The following MRPL38 variants were observed in gnomAD, a reference collection of about 807,000 sequenced individuals.
The protein encoded by MRPL38 is large ribosomal subunit protein mL38.
MRPL38 carries 51 observed loss-of-function variants against 52.1 expected under a neutral mutation model. That is an observed-to-expected ratio of 0.98 (90% CI 0.78 to 1.24). The LOEUF (loss-of-function observed/expected upper bound fraction) is 1.24. Among genes scored for constraint, MRPL38 ranks in the 50% most tolerant of loss-of-function variants. The pLI is 0.00. For missense variants in MRPL38, 527 were observed against 518.6 expected (o/e 1.02, Z -0.16); for synonymous variants, 245 against 212.7 (o/e 1.15, Z -1.32).
rs748767300 is a variant in MRPL38, at chr17:75,904,705, G to C, written c.82C>G (p.Arg28Gly). 1.3e-6 allele frequency: 2 copies of C among 1,588,992 alleles called. No homozygotes were observed. Among genetic ancestry groups the C allele is most frequent in the African/African-American group, 2.7e-5 (2 of 73,734 alleles). The change falls in exon 2 of 9, where the codon CGG (arginine) becomes GGG (glycine). Residue 28 changes from arginine to glycine, a missense_variant. Physicochemically the swap from Arg to Gly is moderately radical, Grantham distance 125 (BLOSUM62 -2). Transcript: ENST00000309352. ...GGCATCGGCCCCAGCGGGGGTGTCC[G>C]GCGGCCCAGGACGGCTGCGGGCAGA... Reference protein sequence around the residue: ...GFSTSAVLGRRTPPLGPMPNS... With the variant: ...GFSTSAVLGRGTPPLGPMPNS...
chr17:75,902,217 AC>A, intron 2 of MRPL38, 63 bp from the exon 3 acceptor site: 1 of 1,512,744 alleles, frequency 6.6e-7, no homozygotes. Flanking sequence ...AACCTCCCCA[AC>A]TCAGTCTCCT....
rs954333323 is a variant in MRPL38, at chr17:75,901,023, C to A, written c.669G>T (p.Gly223=). The change falls in exon 6 of 9, where the codon GGG becomes GGT. Residue 223 remains glycine (G), a synonymous_variant. Coordinates refer to ENST00000309352, the MANE Select transcript of MRPL38 (RefSeq NM_032478.4). This position sits in a 1 kb window ranked among gnomAD's most constrained non-coding sequence, Gnocchi z 5.7. ...LWTLLLTSLD[G]HLLEPDAEYL... The stretch of plus-strand genomic sequence containing the variant: ...ACTCAGCATCTGGCTCCAGCAGGTG[C>A]CCATCTGCACAAAAACACACCTGCT... 1.9e-6 allele frequency: 3 copies of A among 1,611,964 alleles called. No individual in the cohort carries two copies. Among genetic ancestry groups the A allele is most frequent in the African/African-American group, 2.7e-5 (2 of 74,832 alleles).
chr17:75,898,783 C>A lies in MRPL38; in HGVS notation c.*67G>T. 6.3e-7 allele frequency: 1 copy of A among 1,591,176 alleles called. No homozygotes were observed. Among genetic ancestry groups the A allele is most frequent in the Non-Finnish European group, 8.6e-7 (1 of 1,168,906 alleles). ...GGCCCAGACCCCACAGTGTGGGCCT[C>A]TGGAGCTGTGTCTTTACTCTTGCTG... On this transcript the variant is annotated 3_prime_UTR_variant, in exon 9 of 9. Transcript: ENST00000309352.
At chr17:75,902,507 A>G (rs2065409629) in intron 2 of MRPL38, among the ~76,000 whole-genome samples, 1 of 152,054 alleles carries the variant, frequency 6.6e-6, no homozygotes, top group Admixed American at 6.5e-5. Flanking sequence ...TCAGCCTCCT[A>G]AGTAGCTGGG....
Position 75,901,772 on chromosome 17 carries a change from G to A in MRPL38, c.531C>T (p.Tyr177=), listed in dbSNP as rs761145087. 3.8e-5 allele frequency: 62 copies of A among 1,613,690 alleles called. No homozygotes were observed. Among genetic ancestry groups the A allele is most frequent in the Non-Finnish European group, 5.2e-5 (61 of 1,179,884 alleles). ...GCATCAGGTCATCCTCACCCACAGC[G>A]TAGGCCACGTGCAGGGGGACTCGGG... is the stretch of plus-strand genomic sequence containing the variant. ...FVPRVPLHVA[Y]AVGEDDLMPV... Residue 177 remains tyrosine (Y), a synonymous_variant, in exon 4 of 9, where the codon TAC becomes TAT. Coordinates refer to ENST00000309352, the MANE Select transcript of MRPL38 (RefSeq NM_032478.4). The surrounding 1 kb of genome is among the most constrained non-coding windows in gnomAD (Gnocchi z 5.7).
At chr17:75,904,770 G>GGGGCCCCCCCCC in intron 1 of MRPL38, 39 bp downstream of exon 1, 4 of 500,006 alleles carry the variant, frequency 8.0e-6, no homozygotes, top group African/African-American at 5.2e-5. Context: ...TCGGGCGACA[G>GGGGCCCCCCCCC]CCCCCCCCCC....
At position 75,901,679 on chromosome 17, in the gene MRPL38, G is replaced by A; in HGVS notation, c.591+33C>T. 6.3e-7 allele frequency: 1 copy of A among 1,585,784 alleles called. No individual in the cohort carries two copies. The highest frequency in any genetic ancestry group is 8.7e-7 in the Non-Finnish European group (1 of 1,154,596). ...GATGGGATGTGTCTGTGTTTGCACA[G>A]GGCAGGGAGGAGGGGCACAAGTGAG... On this transcript the variant is annotated intron_variant, in intron 4 of 8. Transcript: ENST00000309352. The surrounding 1 kb of genome is among the most constrained non-coding windows in gnomAD (Gnocchi z 5.7).
intron 2 of MRPL38, 41 bp from the exon 3 acceptor site, chr17:75,902,195 C>T: frequency 6.5e-7 from 1 of 1,544,572 alleles, no homozygotes; most frequent in African/African-American, 1.4e-5. Context: ...GGTCATGACT[C>T]ACTGCAGCCT....
intron 2 of MRPL38, chr17:75,902,359 T>G: frequency 1.7e-6 from 1 of 600,422 alleles, no homozygotes. Context: ...TGCCTCAGCC[T>G]CCCACAGTGT....
In MRPL38 at chr17:75,904,695, G is replaced by C. The variant is rs550202402; in HGVS notation, c.92C>G (p.Pro31Arg). The change falls in exon 2 of 9, where the codon CCG (proline) becomes CGG (arginine). Residue 31 changes from proline (P) to arginine (R), a missense_variant. Pro to Arg is a moderately radical substitution (Grantham distance 103, BLOSUM62 -2). Coordinates refer to ENST00000309352, the MANE Select transcript of MRPL38 (RefSeq NM_032478.4). ...TSAVLGRRTP[P>R]LGPMPNSDID... ...GTCACTGTTGGGCATCGGCCCCAGC[G>C]GGGGTGTCCGGCGGCCCAGGACGGC... 9.6e-4 allele frequency: 1,522 copies of C among 1,593,416 alleles called. 20 individuals carry two copies. In the Admixed American group the frequency reaches 0.022, roughly 23 times the overall value.
chr17:75,903,484 T>C (rs1048312404), intron 2 of MRPL38, among the ~76,000 whole-genome samples: 4 of 152,214 alleles, frequency 2.6e-5, no homozygotes, highest in Admixed American at 2.6e-4. Context: ...AAAATGCCAA[T>C]GAATTGCCTC....
chr17:75,898,731 G>A lies in MRPL38; in HGVS notation c.*119C>T. On this transcript the variant is annotated 3_prime_UTR_variant, in exon 9 of 9. Coordinates refer to ENST00000309352, the MANE Select transcript of MRPL38 (RefSeq NM_032478.4). ...CAAGCCCTGGGCCTGACGGGAGGGG[G>A]CCAAAGAGGGGGGCTGCCTAAGGCA... 3.2e-6 allele frequency: 4 copies of A among 1,264,010 alleles called. No homozygotes were observed. The highest frequency in any genetic ancestry group is 2.2e-5 in the Admixed American group (1 of 46,354). The allele number at this position is 1,264,010 out of a possible 1,614,324, so 78.3% of individuals were successfully genotyped here. A position where few individuals can be genotyped will look rare whatever the true frequency, so the allele number is the denominator to read the frequency against.
At position 75,904,677 on chromosome 17, in the gene MRPL38, T is replaced by C; in HGVS notation, c.110A>G (p.Asn37Ser). The C allele has an allele frequency of 6.3e-7, 1 of 1,597,030 alleles. No individual in the cohort carries two copies. Among genetic ancestry groups the C allele is most frequent in the Non-Finnish European group, 8.5e-7 (1 of 1,178,430 alleles). ...RRTPPLGPMP[N>S]SDIDLSNLER... ...CAGGTTGCTCAAGTCGATGTCACTG[T>C]TGGGCATCGGCCCCAGCGGGGGTGT... The change falls in exon 2 of 9, where the codon AAC becomes AGC. Residue 37 changes from asparagine (N) to serine (S), a missense_variant. Asn to Ser is a conservative substitution (Grantham distance 46). Transcript: ENST00000309352.
At chr17:75,904,467 G>C in intron 2 of MRPL38, 73 bp downstream of exon 2, 1 of 1,436,398 alleles carries the variant, frequency 7.0e-7, no homozygotes, top group Non-Finnish European at 9.2e-7. Flanking sequence ...CTCGCCCAGC[G>C]CCCGGGGAAA....
intron 2 of MRPL38, 79 bp from the exon 3 acceptor site, chr17:75,902,233 A>T: frequency 7.0e-7 from 1 of 1,433,092 alleles, no homozygotes; most frequent in Non-Finnish European, 9.5e-7. Flanking sequence ...TCTCCTGAGT[A>T]GCTGGGGCTA....
At position 75,899,619 on chromosome 17, in the gene MRPL38, G is replaced by A; in HGVS notation, c.766C>T (p.Pro256Ser). The part of the protein sequence containing the change: ...AEGQVTCPYL[P>S]PFPARGSGIH... ...CCGGAGCCTCGGGCAGGGAAGGGGG[G>A]GAGGTAGGGACACGTCACCTGTCCT... The change falls in exon 7 of 9, where the codon CCC (proline) becomes TCC (serine). Residue 256 changes from proline (P) to serine (S), a missense_variant. Coordinates refer to ENST00000309352, the MANE Select transcript of MRPL38 (RefSeq NM_032478.4). 1.2e-6 allele frequency: 2 copies of A among 1,607,204 alleles called. No individual in the cohort carries two copies. Among genetic ancestry groups the A allele is most frequent in the Non-Finnish European group, 1.7e-6 (2 of 1,175,866 alleles).
chr17:75,899,350 C>A (rs955089920), intron 7 of MRPL38, 56 bp from the exon 8 acceptor site: 77 of 1,582,894 alleles, frequency 4.9e-5, no homozygotes, highest in Admixed American at 1.1e-4. Flanking sequence ...GAGCCCCTCA[C>A]CCCGCCACCC....
chr17:75,901,912 G>A lies in MRPL38; in HGVS notation c.391C>T (p.Pro131Ser). The A allele has an allele frequency of 1.2e-6, 2 of 1,611,928 alleles. No individual in the cohort carries two copies. The highest frequency in any genetic ancestry group is 2.2e-5 in the East Asian group (1 of 44,824). ...CACTCGGCCCGCACGGCATCCAGCG[G>A]GACACTGGCTAGACAGGAATAAGGC... is the stretch of plus-strand genomic sequence containing the variant. Reference protein sequence around the residue: ...RAARLRTASVPLDAVRAEWER... With the variant: ...RAARLRTASVSLDAVRAEWER... The change falls in exon 4 of 9, where the codon CCG becomes TCG. Residue 131 changes from proline (P) to serine (S), a missense_variant. Pro to Ser is a moderately conservative substitution (Grantham distance 74). Coordinates refer to ENST00000309352, the MANE Select transcript of MRPL38 (RefSeq NM_032478.4). This position sits in a 1 kb window ranked among gnomAD's most constrained non-coding sequence, Gnocchi z 5.7.
chr17:75,900,783 C>T, intron 6 of MRPL38, 199 bp downstream of exon 6: 1 of 1,400,678 alleles, frequency 7.1e-7, no homozygotes. Context: ...CCGAGGCCTA[C>T]TGCAAACTTT....
Sources: gnomAD v4.1 joint callset for allele counts (sites outside exome capture counted in the v4.1 genomes callset) on GRCh38, gnomAD v4.1.1 for gene constraint, Gnocchi (gnomAD v3.1) non-coding constraint, MANE v1.5 for transcripts, NCBI Gene and HGNC (gene_info 2026-07-23, HGNC 2026-07-21) for gene names.